ABTB3: variants seen among roughly 807,000 people sequenced by gnomAD.
ABTB3 encodes the protein ankyrin repeat and BTB domain containing 3, also known as ankyrin repeat- and BTB/POZ domain-containing protein 3.
chr12:107,643,773 TGAGA>T, the ABTB3 span, among the ~76,000 whole-genome samples: 79 of 137,270 alleles, frequency 5.8e-4, 1 homozygote, highest in Non-Finnish European at 6.4e-4. Context: ...TTTTTTTTGT[TGAGA>T]GAGAGAGAGA....
chr12:107,501,122 G>A, the ABTB3 span, among the ~76,000 whole-genome samples: 13 of 152,136 alleles, frequency 8.5e-5, no homozygotes, highest in African/African-American at 3.1e-4. Context: ...CAACTGCAGA[G>A]GGATGTTGTA....
chr12:107,378,885 G>A, the ABTB3 span, among the ~76,000 whole-genome samples: 2 of 152,204 alleles, frequency 1.3e-5, no homozygotes, highest in African/African-American at 4.8e-5. Flanking sequence ...GAGTCACTGG[G>A]ATTCTGCCTG....
At chr12:107,321,610 C>T in the ABTB3 span, among the ~76,000 whole-genome samples, 1 of 77,110 alleles carries the variant, frequency 1.3e-5, no homozygotes, top group South Asian at 4.9e-4. Context: ...AGGCCACACA[C>T]ACACACACAC....
the ABTB3 span, among the ~76,000 whole-genome samples, chr12:107,391,403 G>T: frequency 5.7e-4 from 87 of 152,218 alleles, 3 homozygotes; most frequent in South Asian, 0.017. Flanking sequence ...TAGAAGGGGG[G>T]TCTTTTTGGG....
At chr12:107,381,046 A>C in the ABTB3 span, among the ~76,000 whole-genome samples, 2 of 152,160 alleles carry the variant, frequency 1.3e-5, no homozygotes, top group East Asian at 3.9e-4. Context: ...CCACTGGTTT[A>C]ATGAATGCAT....
At chr12:107,385,180 G>A in the ABTB3 span, among the ~76,000 whole-genome samples, 1 of 152,184 alleles carries the variant, frequency 6.6e-6, no homozygotes, top group Non-Finnish European at 1.5e-5. Flanking sequence ...TTTAGGTATT[G>A]AGTAAGTGAC....
the ABTB3 span, among the ~76,000 whole-genome samples, chr12:107,638,170 A>C: frequency 6.6e-6 from 1 of 152,178 alleles, no homozygotes; most frequent in Non-Finnish European, 1.5e-5. Context: ...ATATTTTTAA[A>C]GTAAGAGCCT....
At chr12:107,548,713 G>A in the ABTB3 span, among the ~76,000 whole-genome samples, 9 of 152,118 alleles carry the variant, frequency 5.9e-5, no homozygotes, top group Admixed American at 3.3e-4. Flanking sequence ...TTTCCAAATA[G>A]TAATGATAAA....
chr12:107,619,992 C>A, the ABTB3 span: 1 of 1,611,790 alleles, frequency 6.2e-7, no homozygotes, highest in Non-Finnish European at 8.5e-7. Flanking sequence ...CCAGGCGTCC[C>A]GTGGACTCTG....
At chr12:107,652,897 T>TTTTA in the ABTB3 span, among the ~76,000 whole-genome samples, 8 of 152,122 alleles carry the variant, frequency 5.3e-5, no homozygotes, top group Non-Finnish European at 2.9e-5. Flanking sequence ...AGTTAGGTTG[T>TTTTA]TTTATTTATT....
chr12:107,598,495 G>A, the ABTB3 span, among the ~76,000 whole-genome samples: 1 of 152,228 alleles, frequency 6.6e-6, no homozygotes, highest in Non-Finnish European at 1.5e-5. Flanking sequence ...CAGTGACACA[G>A]GTGATTCTAT....
chr12:107,636,739 A>G, the ABTB3 span, among the ~76,000 whole-genome samples: 1 of 152,224 alleles, frequency 6.6e-6, no homozygotes, highest in Non-Finnish European at 1.5e-5. Context: ...TTAAAATGTT[A>G]TCAGGGCAAC....
chr12:107,531,382 G>A, the ABTB3 span, among the ~76,000 whole-genome samples: 28 of 152,246 alleles, frequency 1.8e-4, no homozygotes, highest in African/African-American at 5.1e-4. Flanking sequence ...CTTTCACAGC[G>A]TCCGATACAG....
the ABTB3 span, among the ~76,000 whole-genome samples, chr12:107,506,352 T>G: frequency 6.6e-6 from 1 of 152,186 alleles, no homozygotes; most frequent in Non-Finnish European, 1.5e-5. Context: ...AAAAATACTG[T>G]AAGCACACTC....
chr12:107,409,557 G>A, the ABTB3 span, among the ~76,000 whole-genome samples: 7 of 152,204 alleles, frequency 4.6e-5, no homozygotes, highest in East Asian at 1.9e-4. Context: ...CCTTTGCAGC[G>A]ACATGGATAG....
the ABTB3 span, among the ~76,000 whole-genome samples, chr12:107,330,515 C>T: frequency 6.6e-6 from 1 of 152,222 alleles, no homozygotes; most frequent in Non-Finnish European, 1.5e-5. Flanking sequence ...ACCTTCCTCT[C>T]ACCATACCAT....
the ABTB3 span, chr12:107,520,691 C>A: frequency 2.7e-3 from 4,296 of 1,596,124 alleles, 100 homozygotes; most frequent in African/African-American, 0.045. Context: ...CCTGTCTGTG[C>A]CCGAAGTGAC....
chr12:107,592,521 T>C, the ABTB3 span, among the ~76,000 whole-genome samples: 2 of 152,342 alleles, frequency 1.3e-5, no homozygotes, highest in East Asian at 3.9e-4. Flanking sequence ...TTATACTGTG[T>C]TGTGTTCATT....
the ABTB3 span, among the ~76,000 whole-genome samples, chr12:107,347,112 A>C: frequency 6.6e-6 from 1 of 152,142 alleles, no homozygotes; most frequent in Non-Finnish European, 1.5e-5. Context: ...CATTTTTCAC[A>C]TGGGCCACGG....
Sources: gnomAD v4.1 joint callset for allele counts (sites outside exome capture counted in the v4.1 genomes callset) on GRCh38, gnomAD v4.1.1 for gene constraint, MANE v1.5 for transcripts, NCBI Gene and HGNC (gene_info 2026-07-23, HGNC 2026-07-21) for gene names.